The following MYO5A variants were observed in gnomAD, a reference collection of about 807,000 sequenced individuals.
MYO5A encodes the protein unconventional myosin-Va.
Under a neutral mutation model 249.7 loss-of-function variants are expected in MYO5A, and 98 were observed. The ratio of observed to expected loss-of-function variants is 0.39; its 90% CI spans 0.33 to 0.46. The LOEUF (loss-of-function observed/expected upper bound fraction) is 0.46. Among genes scored for constraint, MYO5A ranks in the 20% least tolerant of loss-of-function variants. The probability of loss-of-function intolerance (pLI) is 0.98; values close to 1 mark genes in which losing one functional copy is unlikely to be tolerated. For missense variants in MYO5A, 1,696 were observed against 2,308.8 expected (o/e 0.73, Z 5.44); for synonymous variants, 778 against 810.6 (o/e 0.96, Z 0.68).
At chr15:52,394,081 C>G (rs143261829) in intron 11 of MYO5A, among the ~76,000 whole-genome samples, 33 of 152,328 alleles carry the variant, frequency 2.2e-4, no homozygotes, top group African/African-American at 7.0e-4. Context: ...GCAAGAGATT[C>G]TTGGTCAATA....
At chr15:52,383,866 C>T (rs1261022884) in intron 15 of MYO5A, among the ~76,000 whole-genome samples, 1 of 152,150 alleles carries the variant, frequency 6.6e-6, no homozygotes, top group Non-Finnish European at 1.5e-5. Flanking sequence ...AGGCACTGTA[C>T]AAATATAGAG....
chr15:52,367,247 G>A, intron 22 of MYO5A, 123 bp from the exon 23 acceptor site: 2 of 848,520 alleles, frequency 2.4e-6, no homozygotes, highest in Non-Finnish European at 1.9e-6. Context: ...GTCTTTGCCT[G>A]GTTATGTCTA....
intron 28 of MYO5A, among the ~76,000 whole-genome samples, chr15:52,349,604 T>G (rs139195542): frequency 6.6e-6 from 1 of 152,350 alleles, no homozygotes; most frequent in East Asian, 1.9e-4. Flanking sequence ...GTCCTTTGCT[T>G]CATTTTTCTT....
intron 1 of MYO5A, among the ~76,000 whole-genome samples, chr15:52,504,084 A>G (rs2077214769): frequency 7.5e-6 from 1 of 132,778 alleles, no homozygotes; most frequent in Non-Finnish European, 1.6e-5. Context: ...GCCTTTTTAA[A>G]TATCTTGTTC....
chr15:52,366,003 A>G (rs2040788282), intron 23 of MYO5A, among the ~76,000 whole-genome samples: 1 of 151,980 alleles, frequency 6.6e-6, no homozygotes, highest in Non-Finnish European at 1.5e-5. Context: ...ATCCCTTAGT[A>G]TGGTCATTAA....
At chr15:52,332,081 C>G (rs2038912546) in intron 34 of MYO5A, among the ~76,000 whole-genome samples, 1 of 152,182 alleles carries the variant, frequency 6.6e-6, no homozygotes, top group Admixed American at 6.5e-5. Flanking sequence ...AAACCTGCAG[C>G]TGCATGTAAA....
chr15:52,341,363 T>G (rs1271835403), intron 31 of MYO5A, among the ~76,000 whole-genome samples: 2 of 152,224 alleles, frequency 1.3e-5, no homozygotes, highest in African/African-American at 2.4e-5. Context: ...AAGATGTGGT[T>G]TTAGAACACA....
At chr15:52,372,458 AG>A in intron 20 of MYO5A, 95 bp from the exon 21 acceptor site, 18 of 1,504,846 alleles carry the variant, frequency 1.2e-5, no homozygotes, top group Non-Finnish European at 1.4e-5. Context: ...CATTACCTAG[AG>A]GAAAAGACAT....
In MYO5A at chr15:52,308,912, C is replaced by T. The variant is rs76451063; in HGVS notation, c.*4784G>A. The T allele has an allele frequency of 0.014, 2,173 of 153,182 alleles. 45 individuals are homozygous for T. The highest frequency in any genetic ancestry group is 0.041 in the African/African-American group (1,720 of 41,584). 9.5% of individuals were successfully genotyped at this position (153,182 alleles called of 1,614,324 possible). ...TCACGGCAATACAGATCCTCTTCAACGCGCATGCACACGACACCCCTCCTA... is the reference window on the plus strand; with the variant it reads ...TCACGGCAATACAGATCCTCTTCAATGCGCATGCACACGACACCCCTCCTA... On this transcript the variant is annotated 3_prime_UTR_variant, in exon 42 of 42. Transcript: ENST00000399233.
At chr15:52,370,142 A>C (rs754697875) in intron 22 of MYO5A, 27 bp downstream of exon 22, 1 of 1,613,604 alleles carries the variant, frequency 6.2e-7, no homozygotes, top group Non-Finnish European at 8.5e-7. Flanking sequence ...TGTACGGAGT[A>C]GATGGGGATA....
intron 1 of MYO5A, among the ~76,000 whole-genome samples, chr15:52,434,189 G>A (rs1407842872): frequency 2.0e-5 from 3 of 151,698 alleles, no homozygotes; most frequent in African/African-American, 4.8e-5. Context: ...TAGTAGAGAC[G>A]GGGTTTCACC....
At chr15:52,411,302 C>T (rs1020756204) in intron 5 of MYO5A, among the ~76,000 whole-genome samples, 18 of 152,118 alleles carry the variant, frequency 1.2e-4, no homozygotes, top group Non-Finnish European at 2.9e-5. Flanking sequence ...TCCAGTTAGA[C>T]TATTTATTAG....
Position 52,330,472 on chromosome 15 carries a change from C to T in MYO5A, c.4436G>A (p.Gly1479Glu). 6.2e-7 allele frequency: 1 copy of T among 1,613,972 alleles called. No individual in the cohort carries two copies. The highest frequency in any genetic ancestry group is 8.5e-7 in the Non-Finnish European group (1 of 1,179,964). Residue 1479 changes from glycine (G) to glutamate (E), a missense_variant, in exon 35 of 42, where the codon GGA becomes GAA. Coordinates refer to ENST00000399233, the MANE Select transcript of MYO5A (RefSeq NM_001382347.1). ...EVGQMENISP[G>E]QIIDEPIRPV... ...TCGGATGGGTTCATCAATGATCTGTCCTGGGGATATGTTCTCCATCTGGCC... is the reference window on the plus strand; with the variant it reads ...TCGGATGGGTTCATCAATGATCTGTTCTGGGGATATGTTCTCCATCTGGCC...
intron 34 of MYO5A, chr15:52,331,736 GACAC>G (rs1444626393): frequency 1.0e-6 from 1 of 985,278 alleles, no homozygotes; most frequent in African/African-American, 1.7e-5. Flanking sequence ...GGAGCCTGGT[GACAC>G]ACCGTCCACC....
intron 1 of MYO5A, among the ~76,000 whole-genome samples, chr15:52,472,856 T>C (rs982798400): frequency 7.2e-5 from 11 of 152,256 alleles, no homozygotes; most frequent in Non-Finnish European, 1.2e-4. Flanking sequence ...TAAACATACG[T>C]GTACATGTGT....
intron 1 of MYO5A, among the ~76,000 whole-genome samples, chr15:52,445,221 G>C (rs1370865839): frequency 2.0e-5 from 3 of 152,046 alleles, no homozygotes; most frequent in Admixed American, 6.6e-5. Context: ...GTGAGTTCTC[G>C]TGAGATCTGG....
intron 1 of MYO5A, among the ~76,000 whole-genome samples, chr15:52,514,948 A>G (rs1484725138): frequency 6.6e-6 from 1 of 152,182 alleles, no homozygotes; most frequent in African/African-American, 2.4e-5. Context: ...GTAAGACCAA[A>G]GATTGCTTAG....
At chr15:52,330,175 C>T (rs2038821279) in intron 35 of MYO5A, among the ~76,000 whole-genome samples, 178 bp downstream of exon 35, 1 of 152,004 alleles carries the variant, frequency 6.6e-6, no homozygotes, top group Non-Finnish European at 1.5e-5. Context: ...GCATGTGTCC[C>T]TGCAGTTGGA....
At chr15:52,394,957 T>C (rs903407482) in intron 11 of MYO5A, among the ~76,000 whole-genome samples, 1 of 152,224 alleles carries the variant, frequency 6.6e-6, no homozygotes, top group Admixed American at 6.5e-5. Flanking sequence ...TTAAGATCAC[T>C]TCTACATTAT....
Sources: gnomAD v4.1 joint callset for allele counts (sites outside exome capture counted in the v4.1 genomes callset) on GRCh38, gnomAD v4.1.1 for gene constraint, MANE v1.5 for transcripts, NCBI Gene and HGNC (gene_info 2026-07-23, HGNC 2026-07-21) for gene names.